Variants in TMEM132B observed in about 807,000 individuals in gnomAD.
The protein encoded by TMEM132B is transmembrane protein 132B.
In TMEM132B, 18 loss-of-function variants were observed where a neutral mutation model predicts 90.8. The observed-to-expected ratio is 0.20, with a 90% CI of 0.14 to 0.29. TMEM132B has a LOEUF of 0.29. TMEM132B is among the 10% of genes least tolerant of loss of function. The pLI is 1.00. For synonymous variants in TMEM132B, 504 were observed against 523.3 expected, an observed-to-expected ratio of 0.96 and a Z score of 0.50; for missense variants, 1,096 against 1,326.8, an observed-to-expected ratio of 0.83 and a Z score of 2.70.
At chr12:125,580,337 C>T (rs897416568) in intron 4 of TMEM132B, among the ~76,000 whole-genome samples, 2 of 152,230 alleles carry the variant, frequency 1.3e-5, no homozygotes, top group East Asian at 3.8e-4. Context: ...AAACAGTTGC[C>T]TGGCAAGTAT....
chr12:125,508,758 C>CT (rs1004830895), intron 3 of TMEM132B, among the ~76,000 whole-genome samples: 19 of 147,650 alleles, frequency 1.3e-4, no homozygotes, highest in African/African-American at 1.7e-4. Flanking sequence ...TTAGAGTTTT[C>CT]TTTTTTTTTC....
intron 1 of TMEM132B, among the ~76,000 whole-genome samples, chr12:125,196,844 A>T: frequency 6.6e-6 from 1 of 152,208 alleles, no homozygotes; most frequent in Non-Finnish European, 1.5e-5. Flanking sequence ...AATGCTGATG[A>T]TCTTAATAAT....
intron 1 of TMEM132B, among the ~76,000 whole-genome samples, chr12:125,210,267 C>CA (rs1412024759): frequency 6.6e-6 from 1 of 152,054 alleles, no homozygotes; most frequent in Non-Finnish European, 1.5e-5. Flanking sequence ...CTTAAAGGGG[C>CA]AAATTGCAGG....
chr12:125,509,572 C>T (rs181759179), intron 3 of TMEM132B, among the ~76,000 whole-genome samples: 87 of 152,012 alleles, frequency 5.7e-4, no homozygotes, highest in Admixed American at 2.4e-3. Flanking sequence ...GTAGGTGCAT[C>T]GAATATCTCT....
At chr12:125,601,838 T>C (rs570310602) in intron 5 of TMEM132B, among the ~76,000 whole-genome samples, 152 of 152,270 alleles carry the variant, frequency 1.0e-3, no homozygotes, top group African/African-American at 3.3e-3. Context: ...TAAACACTTC[T>C]ATGCAAATAA....
chr12:125,530,011 A>G (rs1419260378), intron 4 of TMEM132B, among the ~76,000 whole-genome samples: 1 of 152,218 alleles, frequency 6.6e-6, no homozygotes, highest in Non-Finnish European at 1.5e-5. Flanking sequence ...CCTGGGCCGC[A>G]GAGCGAGACC....
chr12:125,249,789 A>G (rs1041019117), intron 1 of TMEM132B, among the ~76,000 whole-genome samples: 1 of 152,238 alleles, frequency 6.6e-6, no homozygotes, highest in Non-Finnish European at 1.5e-5. Flanking sequence ...TCGTGGTCTG[A>G]CAATGGGAAG....
intron 4 of TMEM132B, among the ~76,000 whole-genome samples, chr12:125,540,776 A>G (rs1057286733): frequency 6.6e-6 from 1 of 152,166 alleles, no homozygotes; most frequent in South Asian, 2.1e-4. Flanking sequence ...AGCCAGACCT[A>G]TCATGTCTGA....
At chr12:125,548,497 T>C (rs574150974) in intron 4 of TMEM132B, among the ~76,000 whole-genome samples, 1 of 152,168 alleles carries the variant, frequency 6.6e-6, no homozygotes, top group South Asian at 2.1e-4. Flanking sequence ...GAAAGTGACC[T>C]TTAAGCTAAG....
At chr12:125,546,399 A>C (rs1884094535) in intron 4 of TMEM132B, among the ~76,000 whole-genome samples, 1 of 151,744 alleles carries the variant, frequency 6.6e-6, no homozygotes, top group Non-Finnish European at 1.5e-5. Flanking sequence ...AGCTAGGATG[A>C]TCTCCATCTC....
At chr12:125,466,782 A>T (rs1881573003) in intron 3 of TMEM132B, among the ~76,000 whole-genome samples, 1 of 152,210 alleles carries the variant, frequency 6.6e-6, no homozygotes, top group Non-Finnish European at 1.5e-5. Flanking sequence ...GTTTCCACCA[A>T]GTGTCCAGTT....
chr12:125,367,311 T>G (rs868835328), intron 2 of TMEM132B, among the ~76,000 whole-genome samples: 4 of 152,282 alleles, frequency 2.6e-5, no homozygotes, highest in Admixed American at 1.3e-4. Context: ...CCAGTAAGTG[T>G]TGTTTCTTTT....
chr12:125,288,954 G>A (rs1352308098), intron 1 of TMEM132B, among the ~76,000 whole-genome samples: 2 of 152,184 alleles, frequency 1.3e-5, no homozygotes, highest in East Asian at 1.9e-4. Context: ...AAGGGCAGGC[G>A]GTGCCATGCA....
At chr12:125,576,146 T>A (rs902686888) in intron 4 of TMEM132B, among the ~76,000 whole-genome samples, 2 of 152,108 alleles carry the variant, frequency 1.3e-5, no homozygotes, top group Admixed American at 6.6e-5. Flanking sequence ...TAGGTATTTT[T>A]AAAATTTTTT....
chr12:125,369,447 G>C (rs1158937193), intron 2 of TMEM132B, among the ~76,000 whole-genome samples: 1 of 152,170 alleles, frequency 6.6e-6, no homozygotes, highest in Non-Finnish European at 1.5e-5. Flanking sequence ...TTGGCAGTTT[G>C]ATAATAATAA....
At chr12:125,583,434 G>A (rs1885101357) in intron 4 of TMEM132B, among the ~76,000 whole-genome samples, 2 of 152,092 alleles carry the variant, frequency 1.3e-5, no homozygotes. Flanking sequence ...AAATCACAAT[G>A]AAGTCTATGT....
intron 5 of TMEM132B, among the ~76,000 whole-genome samples, chr12:125,619,415 C>T (rs1446187378): frequency 6.6e-6 from 1 of 151,842 alleles, no homozygotes; most frequent in Non-Finnish European, 1.5e-5. Flanking sequence ...CCCAGGCTGG[C>T]ATGCACTGAC....
intron 1 of TMEM132B, among the ~76,000 whole-genome samples, chr12:125,208,287 G>A (rs1439763247): frequency 6.6e-6 from 1 of 152,114 alleles, no homozygotes; most frequent in Admixed American, 6.6e-5. Context: ...CTTTAAAGAG[G>A]ACAATTTATT....
chr12:125,243,393 G>C (rs1874134293), intron 1 of TMEM132B, among the ~76,000 whole-genome samples: 1 of 150,476 alleles, frequency 6.6e-6, no homozygotes, highest in Non-Finnish European at 1.5e-5. Flanking sequence ...TGCAACCTCT[G>C]CCTCCCGGGT....
Sources: allele counts gnomAD v4.1 joint callset (sites outside exome capture counted in the v4.1 genomes callset), GRCh38; gene constraint gnomAD v4.1.1; transcripts MANE v1.5; gene names NCBI Gene and HGNC (gene_info 2026-07-23, HGNC 2026-07-21).